ALKBH3: variants seen among roughly 807,000 people sequenced by gnomAD.
The protein encoded by ALKBH3 is alpha-ketoglutarate-dependent dioxygenase alkB homolog 3.
A neutral mutation model predicts 43.9 loss-of-function variants in ALKBH3; 51 were observed. The observed-to-expected ratio is 1.16, with a 90% CI of 0.93 to 1.47. The LOEUF (loss-of-function observed/expected upper bound fraction) is 1.47. Ranked by LOEUF, ALKBH3 falls within the 40% of genes most tolerant of loss-of-function variation. The pLI is 0.00. For missense variants in ALKBH3, 361 were observed against 351.9 expected, an observed-to-expected ratio of 1.03 and a Z score of -0.21; for synonymous variants, 102 against 115.2, an observed-to-expected ratio of 0.89 and a Z score of 0.73.
At chr11:43,913,309 A>G (rs1397280514) in intron 8 of ALKBH3, among the ~76,000 whole-genome samples, 1 of 152,158 alleles carries the variant, frequency 6.6e-6, no homozygotes, top group African/African-American at 2.4e-5. Flanking sequence ...GCTAATAAGC[A>G]TAGTACCCGA....
At chr11:43,889,704 C>T (rs778370105) in intron 5 of ALKBH3, 21 bp from the exon 6 acceptor site, 1 of 1,605,322 alleles carries the variant, frequency 6.2e-7, no homozygotes. Flanking sequence ...TTTTGGTTAA[C>T]AATGTTCATT....
chr11:43,885,687 A>G (rs886405340), intron 4 of ALKBH3, among the ~76,000 whole-genome samples: 1 of 152,196 alleles, frequency 6.6e-6, no homozygotes, highest in African/African-American at 2.4e-5. Context: ...GTAAACCTTT[A>G]TTGCCCATCT....
intron 4 of ALKBH3, among the ~76,000 whole-genome samples, chr11:43,886,211 A>G (rs971853297): frequency 6.6e-6 from 1 of 152,222 alleles, no homozygotes; most frequent in African/African-American, 2.4e-5. Flanking sequence ...TGAAAGCAAC[A>G]GAAGCCCAGA....
intron 8 of ALKBH3, among the ~76,000 whole-genome samples, chr11:43,914,201 T>C (rs1951964185): frequency 6.6e-6 from 1 of 152,246 alleles, no homozygotes; most frequent in Admixed American, 6.5e-5. Flanking sequence ...GTGGAAAGAA[T>C]AGGGCTTTAG....
rs1951770241 is a variant in ALKBH3 at position 43,889,726 on chromosome 11, G to A, written c.268G>A (p.Val90Ile). 2.5e-6 allele frequency: 4 copies of A among 1,613,528 alleles called. No homozygotes were observed. Among genetic ancestry groups the A allele is most frequent in the African/African-American group, 1.3e-5 (1 of 74,996 alleles). The change falls in exon 6 of 10, where the codon GTC (valine) becomes ATC (isoleucine). Residue 90 changes from valine to isoleucine, a missense_variant and splice_region_variant. Coordinates refer to ENST00000302708, the MANE Select transcript of ALKBH3 (RefSeq NM_139178.4). ...TAACAATGTTCATTCTGCACCCAGG[G>A]TCTGTTTGTATCCTGGCTTTGTTGA... ...ISLSPTGVSR[V>I]CLYPGFVDVK...
chr11:43,880,917 C>T lies in ALKBH3; in HGVS notation c.-333C>T, dbSNP rs1316856503. 2 of 152,458 alleles carry T rather than the reference C, an allele frequency of 1.3e-5. No individual in the cohort carries two copies. The highest frequency in any genetic ancestry group is 2.9e-5 in the Non-Finnish European group (2 of 68,240). The allele number at this position is 152,458 out of a possible 1,614,324, so 9.4% of individuals were successfully genotyped here. ...TCCTACCGGGTTTGCACGGGCGCGC[C>T]CGGCTCCGCCCGCAAGTGCGCCTTC... On this transcript the variant is annotated 5_prime_UTR_variant, in exon 1 of 10. Transcript: ENST00000302708.
chr11:43,892,406 G>A (rs16937695), intron 7 of ALKBH3, among the ~76,000 whole-genome samples: 15 of 152,144 alleles, frequency 9.9e-5, no homozygotes, highest in Non-Finnish European at 2.1e-4. Flanking sequence ...TTTTCTAGCT[G>A]TATTCCTTCT....
chr11:43,889,559 C>A (rs1252650707), intron 5 of ALKBH3, among the ~76,000 whole-genome samples, 166 bp from the exon 6 acceptor site: 1 of 152,190 alleles, frequency 6.6e-6, no homozygotes, highest in Non-Finnish European at 1.5e-5. Flanking sequence ...ATATCTGGAG[C>A]CTCATGACCT....
intron 5 of ALKBH3, among the ~76,000 whole-genome samples, chr11:43,886,952 G>A (rs769640254): frequency 2.2e-4 from 34 of 152,206 alleles, no homozygotes; most frequent in Admixed American, 3.9e-4. Flanking sequence ...GGGGCTTGTC[G>A]GTGGGTGGAG....
chr11:43,902,201 C>T (rs746555307), intron 8 of ALKBH3, among the ~76,000 whole-genome samples: 1 of 152,276 alleles, frequency 6.6e-6, no homozygotes, highest in Non-Finnish European at 1.5e-5. Context: ...GGAGCATTCA[C>T]ATATGTTTGT....
intron 6 of ALKBH3, among the ~76,000 whole-genome samples, chr11:43,890,883 T>C (rs1469089407): frequency 6.6e-6 from 1 of 152,118 alleles, no homozygotes; most frequent in Non-Finnish European, 1.5e-5. Context: ...AAAATAACTA[T>C]CATAGTATGT....
intron 8 of ALKBH3, chr11:43,909,406 A>G (rs370438861): frequency 1.3e-4 from 20 of 152,372 alleles, no homozygotes; most frequent in African/African-American, 4.8e-4. Context: ...ATGTTCTTGT[A>G]TCAGCACTAG....
intron 8 of ALKBH3, among the ~76,000 whole-genome samples, chr11:43,917,637 C>T (rs1951994562): frequency 6.6e-6 from 1 of 151,548 alleles, no homozygotes; most frequent in Non-Finnish European, 1.5e-5. Context: ...TGTGTCTCCT[C>T]TGTCTGGATT....
intron 8 of ALKBH3, among the ~76,000 whole-genome samples, chr11:43,917,487 G>A (rs1247969484): frequency 1.3e-5 from 2 of 152,086 alleles, no homozygotes; most frequent in Non-Finnish European, 2.9e-5. Flanking sequence ...TTATGTAGAG[G>A]GTAGCAGAAA....
At chr11:43,890,329 G>A (rs1305846932) in intron 6 of ALKBH3, among the ~76,000 whole-genome samples, 2 of 152,090 alleles carry the variant, frequency 1.3e-5, no homozygotes, top group African/African-American at 4.8e-5. Flanking sequence ...AAAGTGACAC[G>A]GCAGTTTGTT....
At chr11:43,889,872 C>G in intron 6 of ALKBH3, 44 bp downstream of exon 6, 2 of 1,499,898 alleles carry the variant, frequency 1.3e-6, no homozygotes, top group Non-Finnish European at 1.9e-6. Context: ...CGTGTTCTCC[C>G]TCTCTGGAAT....
intron 3 of ALKBH3, 104 bp from the exon 4 acceptor site, chr11:43,883,879 A>G: frequency 7.2e-7 from 1 of 1,394,584 alleles, no homozygotes; most frequent in Non-Finnish European, 1.0e-6. Context: ...TAGAAAAGAG[A>G]TAGTTTTTAA....
intron 8 of ALKBH3, among the ~76,000 whole-genome samples, chr11:43,915,589 C>G (rs540017327): frequency 6.6e-6 from 1 of 152,158 alleles, no homozygotes; most frequent in African/African-American, 2.4e-5. Flanking sequence ...GTGCTCCTTA[C>G]TGCTCCATCC....
At chr11:43,897,256 G>T (rs117994943) in intron 7 of ALKBH3, 2 of 560,158 alleles carry the variant, frequency 3.6e-6, no homozygotes, top group Non-Finnish European at 6.9e-6. Context: ...CGACTGCTCC[G>T]CAGAGCTGCT....
Sources: gnomAD v4.1 joint callset for allele counts (sites outside exome capture counted in the v4.1 genomes callset) on GRCh38, gnomAD v4.1.1 for gene constraint, MANE v1.5 for transcripts, NCBI Gene and HGNC (gene_info 2026-07-23, HGNC 2026-07-21) for gene names.